The following POC1B variants were observed in gnomAD, a reference collection of about 807,000 sequenced individuals.
The protein encoded by POC1B is POC1 centriolar protein B.
In POC1B, 44 loss-of-function variants were observed where a neutral mutation model predicts 60.6. That is an observed-to-expected ratio of 0.73 (90% CI 0.57 to 0.93). The LOEUF (loss-of-function observed/expected upper bound fraction) is 0.93. POC1B is among the 40% of genes least tolerant of loss of function. POC1B has a pLI of 0.00. For missense variants in POC1B, 555 were observed against 572.3 expected (o/e 0.97, Z 0.31); for synonymous variants, 180 against 198.9 (o/e 0.90, Z 0.80).
intron 10 of POC1B, among the ~76,000 whole-genome samples, chr12:89,456,954 T>C (rs2120792580): frequency 6.6e-6 from 1 of 152,300 alleles, no homozygotes; most frequent in South Asian, 2.1e-4. Context: ...ATTTTACAAA[T>C]TAAGGTTTAA....
intron 7 of POC1B, among the ~76,000 whole-genome samples, chr12:89,467,990 A>G (rs557103382): frequency 6.6e-6 from 1 of 152,314 alleles, no homozygotes; most frequent in African/African-American, 2.4e-5. Flanking sequence ...TTCTGTTAAG[A>G]TTTTCTGGCT....
At chr12:89,493,301 T>C (rs1163448656) in intron 3 of POC1B, among the ~76,000 whole-genome samples, 1 of 152,244 alleles carries the variant, frequency 6.6e-6, no homozygotes, top group Admixed American at 6.5e-5. Context: ...CAGCACATTT[T>C]TGAAGCACAG....
intron 4 of POC1B, among the ~76,000 whole-genome samples, chr12:89,482,948 G>C (rs1868426080): frequency 6.7e-6 from 1 of 150,154 alleles, no homozygotes; most frequent in Admixed American, 6.6e-5. Flanking sequence ...TTTTGAGATG[G>C]AGTTTCGCTC....
chr12:89,442,817 TAA>T (rs1427244692), intron 10 of POC1B, among the ~76,000 whole-genome samples: 3 of 152,102 alleles, frequency 2.0e-5, no homozygotes, highest in African/African-American at 7.2e-5. Flanking sequence ...GCAAATTGGA[TAA>T]AGAGTCAAGA....
At chr12:89,421,324 C>T in intron 11 of POC1B, 67 bp from the exon 12 acceptor site, 2 of 1,303,008 alleles carry the variant, frequency 1.5e-6, no homozygotes, top group South Asian at 1.4e-5. Flanking sequence ...ATGACAATCT[C>T]TGCATAGGAA....
chr12:89,520,627 T>C (rs759380154), intron 2 of POC1B: 7 of 152,220 alleles, frequency 4.6e-5, no homozygotes, highest in African/African-American at 7.2e-5. Flanking sequence ...ATTTTCATTT[T>C]ACGAGGCAAA....
intron 2 of POC1B, chr12:89,523,636 C>G (rs746394140): frequency 9.1e-6 from 14 of 1,540,718 alleles, no homozygotes; most frequent in Non-Finnish European, 1.2e-5. Flanking sequence ...GGTAGGTGAT[C>G]TGATGGGGTC....
intron 2 of POC1B, chr12:89,524,679 T>G: frequency 1.0e-6 from 1 of 994,210 alleles, no homozygotes; most frequent in Admixed American, 2.7e-5. Context: ...CTAGGCTCCT[T>G]TCCAGCCACC....
At chr12:89,477,471 G>C (rs926072595) in intron 4 of POC1B, among the ~76,000 whole-genome samples, 2 of 152,094 alleles carry the variant, frequency 1.3e-5, no homozygotes, top group Non-Finnish European at 2.9e-5. Flanking sequence ...ATATCCTGCA[G>C]GAACCTCCAG....
intron 10 of POC1B, among the ~76,000 whole-genome samples, chr12:89,450,300 A>AGGT (rs1428028286): frequency 6.6e-6 from 1 of 151,668 alleles, no homozygotes; most frequent in East Asian, 1.9e-4. Flanking sequence ...CTATGCCTCT[A>AGGT]GGGTTCAAGC....
intron 10 of POC1B, among the ~76,000 whole-genome samples, chr12:89,452,252 G>A (rs374493576): frequency 1.0e-3 from 154 of 152,220 alleles, no homozygotes; most frequent in African/African-American, 3.6e-3. Flanking sequence ...GGGCGTCACA[G>A]TTTAGAAATA....
intron 11 of POC1B, 94 bp downstream of exon 11, chr12:89,425,067 C>A: frequency 7.7e-7 from 1 of 1,291,722 alleles, no homozygotes; most frequent in Non-Finnish European, 1.1e-6. Flanking sequence ...AGAGAAATCT[C>A]CCCTGCTCTG....
At chr12:89,501,211 G>A (rs939839183) in intron 2 of POC1B, 3 of 1,406,918 alleles carry the variant, frequency 2.1e-6, no homozygotes, top group African/African-American at 2.8e-5. Flanking sequence ...ACCTCACCTA[G>A]TAGAGACATC....
chr12:89,478,398 C>T (rs936486414), intron 4 of POC1B, among the ~76,000 whole-genome samples: 5 of 152,078 alleles, frequency 3.3e-5, no homozygotes, highest in Admixed American at 2.0e-4. Flanking sequence ...GGATTACAGG[C>T]GTTAAACACC....
intron 2 of POC1B, chr12:89,501,712 G>T (rs532996869): frequency 1.8e-5 from 17 of 947,952 alleles, no homozygotes; most frequent in Non-Finnish European, 2.7e-5. Flanking sequence ...AAAATCAGAG[G>T]AGAGTCCTGT....
rs1882921558 is a variant in POC1B, at chr12:89,472,068, A to G, written c.560+100T>C. ...CAGGCGTGAGCCACTGCACCCGGCC[A>G]TATTTCAATTTCTTTACTCATTTAT... On this transcript the variant is annotated intron_variant, in intron 5 of 11. Coordinates refer to ENST00000313546, the MANE Select transcript of POC1B (RefSeq NM_172240.3). 3.5e-5 allele frequency: 30 copies of G among 861,750 alleles called. No individual in the cohort carries two copies. The South Asian group carries it at 5.1e-4, about 15-fold the overall frequency. The allele number at this position is 861,750 out of a possible 1,614,324, so 53.4% of individuals were successfully genotyped here. A position where few individuals can be genotyped will look rare whatever the true frequency, so the allele number is the denominator to read the frequency against.
chr12:89,435,471 G>A (rs372713673), intron 10 of POC1B, among the ~76,000 whole-genome samples: 4 of 152,112 alleles, frequency 2.6e-5, no homozygotes, highest in Admixed American at 6.5e-5. Context: ...GTGAACCACC[G>A]TGCCCAGCCA....
chr12:89,438,505 C>A (rs1355451499), intron 10 of POC1B, among the ~76,000 whole-genome samples: 1 of 152,172 alleles, frequency 6.6e-6, no homozygotes, highest in Non-Finnish European at 1.5e-5. Context: ...AAAAGGTTAG[C>A]AATAATCTCC....
At position 89,446,519 on chromosome 12, in the gene POC1B, G is replaced by A. The variant is rs992189543; in HGVS notation, c.1113+13119C>T. Among the ~76,000 whole-genome samples the A allele has an allele frequency of 9.9e-5, 15 of 152,168 alleles. No individual in the cohort carries two copies. In the East Asian group the frequency reaches 1.2e-3, roughly 12 times the overall value. On this transcript the variant is annotated intron_variant, in intron 10 of 11. Transcript: ENST00000313546. ...TTGCAAGGACAGAAAACCAAACACCGCATGTTCTCACTCATAGGTGGGAAC... is the reference window on the plus strand; with the variant it reads ...TTGCAAGGACAGAAAACCAAACACCACATGTTCTCACTCATAGGTGGGAAC...
Sources: gnomAD v4.1 joint callset for allele counts (sites outside exome capture counted in the v4.1 genomes callset) on GRCh38, gnomAD v4.1.1 for gene constraint, MANE v1.5 for transcripts, NCBI Gene and HGNC (gene_info 2026-07-23, HGNC 2026-07-21) for gene names.